LAMA2: variants seen among roughly 807,000 people sequenced by gnomAD.
The protein encoded by LAMA2 is laminin subunit alpha 2.
A neutral mutation model predicts 364.8 loss-of-function variants in LAMA2; 269 were observed. The ratio of observed to expected loss-of-function variants is 0.74; its 90% CI spans 0.67 to 0.82. The LOEUF (loss-of-function observed/expected upper bound fraction) is 0.82, where lower values mean the gene tolerates loss of function less well. Among genes scored for constraint, LAMA2 ranks in the 40% least tolerant of loss-of-function variants. The pLI, the probability that LAMA2 is intolerant of heterozygous loss-of-function variation, is 0.00. For synonymous variants in LAMA2, 1,379 were observed against 1,370.6 expected (o/e 1.01, Z -0.14); for missense variants, 3,807 against 3,873.2 (o/e 0.98, Z 0.45).
intron 4 of LAMA2, among the ~76,000 whole-genome samples, chr6:129,133,020 G>A (rs1418992965): frequency 6.6e-6 from 1 of 151,918 alleles, no homozygotes; most frequent in Non-Finnish European, 1.5e-5. Context: ...ACACACATAC[G>A]TACATGCAAT....
At chr6:128,957,836 A>ATTTTTTTTTTTTT (rs10652900) in intron 1 of LAMA2, among the ~76,000 whole-genome samples, 6 of 51,270 alleles carry the variant, frequency 1.2e-4, no homozygotes, top group East Asian at 1.2e-3. Context: ...TACTTCATGC[A>ATTTTTTTTTTTTT]TTTTTTTTTT....
intron 4 of LAMA2, among the ~76,000 whole-genome samples, chr6:129,136,897 T>C (rs1456912147): frequency 6.6e-6 from 1 of 152,090 alleles, no homozygotes; most frequent in East Asian, 1.9e-4. Flanking sequence ...GTTCCTTTTA[T>C]GCGTTATGAC....
chr6:129,416,630 T>C (rs1422267479), intron 40 of LAMA2, among the ~76,000 whole-genome samples: 1 of 152,140 alleles, frequency 6.6e-6, no homozygotes, highest in Non-Finnish European at 1.5e-5. Context: ...TGTCACAGGA[T>C]CCTTGGGGTG....
intron 34 of LAMA2, among the ~76,000 whole-genome samples, chr6:129,373,265 G>A (rs1482496774): frequency 6.6e-6 from 1 of 151,986 alleles, no homozygotes; most frequent in African/African-American, 2.4e-5. Context: ...TTACAGTTTT[G>A]CATTTTACAC....
intron 4 of LAMA2, among the ~76,000 whole-genome samples, chr6:129,121,994 A>G (rs1277843237): frequency 2.6e-5 from 4 of 152,230 alleles, no homozygotes; most frequent in African/African-American, 7.2e-5. Context: ...CATGATGCCT[A>G]TTGCAAAATT....
chr6:128,902,525 A>G (rs1005647521), intron 1 of LAMA2, among the ~76,000 whole-genome samples: 2 of 152,250 alleles, frequency 1.3e-5, no homozygotes, highest in African/African-American at 4.8e-5. Flanking sequence ...TACACTATTC[A>G]TTATGACATG....
intron 1 of LAMA2, among the ~76,000 whole-genome samples, chr6:128,902,897 A>G (rs1004064112): frequency 1.3e-5 from 2 of 152,168 alleles, no homozygotes; most frequent in Non-Finnish European, 2.9e-5. Flanking sequence ...CATTTTATCA[A>G]TGTGTTTAAA....
At position 129,413,361 on chromosome 6, in the gene LAMA2, A is replaced by C. The variant is rs1373619173; in HGVS notation, c.5865+9402A>C. Among the ~76,000 whole-genome samples the C allele has an allele frequency of 3.9e-5, 6 of 152,154 alleles. No individual in the cohort carries two copies. In the East Asian group the frequency reaches 1.2e-3, roughly 29 times the overall value. ...ATATAATAGGGAATGATTTTACCAT[A>C]TCTCTCTTAAAAAGTGATAGATCAA... On this transcript the variant is annotated intron_variant, in intron 40 of 64. Coordinates refer to ENST00000421865, the MANE Select transcript of LAMA2 (RefSeq NM_000426.4).
At chr6:129,359,291 T>A (rs201899179) in intron 32 of LAMA2, among the ~76,000 whole-genome samples, 3 of 121,688 alleles carry the variant, frequency 2.5e-5, no homozygotes, top group Admixed American at 8.4e-5. Flanking sequence ...TATATAAAAA[T>A]ATATAAAATA....
At position 129,192,838 on chromosome 6, in the gene LAMA2, C is replaced by G; in HGVS notation, c.1767C>G (p.Pro589=). The G allele has an allele frequency of 6.2e-7, 1 of 1,613,958 alleles. No individual in the cohort carries two copies. The highest frequency in any genetic ancestry group is 8.5e-7 in the Non-Finnish European group (1 of 1,179,900). The change falls in exon 12 of 65, where the codon CCC becomes CCG. Residue 589 remains proline (P), a synonymous_variant. Coordinates refer to ENST00000421865, the MANE Select transcript of LAMA2 (RefSeq NM_000426.4). ...PHSYYWSAPA[P]YLGNKLPAVG... is the part of the protein sequence containing the mutation. ...GCTACTACTGGAGCGCGCCGGCTCC[C>G]TATCTGGGAAACAAAGTAAGTCCAC...
intron 1 of LAMA2, among the ~76,000 whole-genome samples, chr6:128,888,859 G>A (rs769992306): frequency 3.3e-5 from 5 of 152,184 alleles, no homozygotes; most frequent in Middle Eastern, 3.4e-3. Flanking sequence ...TCTCAAATAC[G>A]CACTAATCCA....
At chr6:129,377,361 T>G (rs1778430664) in intron 34 of LAMA2, among the ~76,000 whole-genome samples, 1 of 151,998 alleles carries the variant, frequency 6.6e-6, no homozygotes, top group African/African-American at 2.4e-5. Context: ...GCTAACAGTG[T>G]TTTTTATTTC....
chr6:129,172,209 T>G (rs1328377758), intron 9 of LAMA2, among the ~76,000 whole-genome samples: 3 of 152,150 alleles, frequency 2.0e-5, no homozygotes, highest in East Asian at 3.9e-4. Flanking sequence ...TTTGTTCCGT[T>G]GCTGGTGAGG....
intron 1 of LAMA2, among the ~76,000 whole-genome samples, chr6:129,027,307 A>T (rs1785891213): frequency 6.6e-6 from 1 of 152,082 alleles, no homozygotes; most frequent in Admixed American, 6.5e-5. Context: ...GTTAGAATCC[A>T]TATGTAATAG....
At chr6:128,979,736 A>G (rs13200086) in intron 1 of LAMA2, among the ~76,000 whole-genome samples, 5 of 152,342 alleles carry the variant, frequency 3.3e-5, no homozygotes, top group African/African-American at 7.2e-5. Flanking sequence ...TGCTCAAGCT[A>G]TAGAAGTTAA....
chr6:129,424,541 C>A (rs1417612389), intron 40 of LAMA2, among the ~76,000 whole-genome samples: 4 of 151,744 alleles, frequency 2.6e-5, no homozygotes, highest in Non-Finnish European at 5.9e-5. Context: ...AAAATAAGAG[C>A]AAATAACCCA....
intron 7 of LAMA2, among the ~76,000 whole-genome samples, chr6:129,149,717 A>G (rs554164018): frequency 1.3e-5 from 2 of 152,204 alleles, no homozygotes; most frequent in African/African-American, 4.8e-5. Flanking sequence ...TTCTCCATCC[A>G]TGGGTCTAAC....
chr6:129,379,707 A>G (rs1029007695), intron 34 of LAMA2, among the ~76,000 whole-genome samples: 2 of 152,182 alleles, frequency 1.3e-5, no homozygotes, highest in Non-Finnish European at 2.9e-5. Context: ...GCCAGTGGCT[A>G]GAAAGCAGTG....
Position 129,146,986 on chromosome 6 carries a change from G to C in LAMA2, c.847G>C (p.Val283Leu). The part of the protein sequence containing the change: ...RYYYSVKDIS[V>L]GGMCICYGHA... Reference sequence around the variant, plus strand: ...TTACTACTCGGTCAAGGATATTTCAGTTGGAGGGATGTGCATCTGCTATGG... The same window carrying C: ...TTACTACTCGGTCAAGGATATTTCACTTGGAGGGATGTGCATCTGCTATGG... The change falls in exon 6 of 65, where the codon GTT becomes CTT. Residue 283 changes from valine to leucine, a missense_variant. Coordinates refer to ENST00000421865, the MANE Select transcript of LAMA2 (RefSeq NM_000426.4). 6.2e-7 allele frequency: 1 copy of C among 1,611,570 alleles called. No homozygotes were observed. The highest frequency in any genetic ancestry group is 8.5e-7 in the Non-Finnish European group (1 of 1,177,856).
Sources: allele counts gnomAD v4.1 joint callset (sites outside exome capture counted in the v4.1 genomes callset), GRCh38; gene constraint gnomAD v4.1.1; transcripts MANE v1.5; gene names NCBI Gene and HGNC (gene_info 2026-07-23, HGNC 2026-07-21).